Variants in MROH1 observed in about 807,000 individuals in gnomAD.
MROH1 encodes maestro heat like repeat family member 1, also known as maestro heat-like repeat-containing protein family member 1.
MROH1 carries 117 observed loss-of-function variants against 116.5 expected under a neutral mutation model. The ratio of observed to expected loss-of-function variants is 1.00; its 90% CI spans 0.86 to 1.17. The LOEUF is 1.17. Ranked by LOEUF, MROH1 falls within the 50% of genes most tolerant of loss-of-function variation. The pLI is 0.00. For synonymous variants in MROH1, 921 were observed against 583.9 expected, an observed-to-expected ratio of 1.58 and a Z score of -8.32; for missense variants, 1,873 against 1,338.5, an observed-to-expected ratio of 1.40 and a Z score of -6.23.
Position 144,202,796 on chromosome 8 carries a change from G to A in MROH1, c.1141+2255G>A, listed in dbSNP as rs555835770. ...CCGCTGTCTGTGGAGGGGCTGGGAG[G>A]GAAGCGCAGGCTCTCTGTGGAGGGG... On this transcript the variant is annotated intron_variant, in intron 12 of 43. Transcript: ENST00000326134. Among the ~76,000 whole-genome samples, 41 of 84,722 alleles carry A rather than the reference G, an allele frequency of 4.8e-4. 1 individual carries two copies. The highest frequency in any genetic ancestry group is 7.7e-3 in the Middle Eastern group (1 of 130). 55.6% of individuals were successfully genotyped at this position (84,722 alleles called of 152,430 possible).
At position 144,260,021 on chromosome 8, in the gene MROH1, C is replaced by T. The variant is rs1475212262; in HGVS notation, c.4155C>T (p.Arg1385=). 21 of 726,126 alleles carry T rather than the reference C, an allele frequency of 2.9e-5. No individual in the cohort carries two copies. Among genetic ancestry groups the T allele is most frequent in the Admixed American group, 5.7e-5 (3 of 52,288 alleles). The allele number at this position is 726,126 out of a possible 1,614,324, so 45.0% of individuals were successfully genotyped here. Residue 1385 remains arginine, a synonymous_variant, in exon 38 of 44, where the codon CGC becomes CGT. Coordinates refer to ENST00000326134, the MANE Select transcript of MROH1 (RefSeq NM_032450.3). ...TCASVRRLVL[R]GLANLASGCP... is the part of the protein sequence containing the mutation. ...CCAGCGTGCGGAGGCTGGTGCTCCG[C>T]GGCCTGGCCAACCTGGCCTCCGGCT...
chr8:144,211,381 G>A (rs1394900509), intron 12 of MROH1, among the ~76,000 whole-genome samples: 6 of 152,176 alleles, frequency 3.9e-5, no homozygotes, highest in African/African-American at 1.4e-4. Context: ...TTGACAAAGA[G>A]ATACTTGCCC....
chr8:144,185,908 G>C (rs1205435081), intron 7 of MROH1, among the ~76,000 whole-genome samples: 5 of 146,912 alleles, frequency 3.4e-5, no homozygotes, highest in Non-Finnish European at 7.5e-5. Flanking sequence ...GTGGCGGGGG[G>C]GCGGCGAGGG....
At chr8:144,206,634 G>A (rs1269990978) in intron 12 of MROH1, among the ~76,000 whole-genome samples, 2 of 151,342 alleles carry the variant, frequency 1.3e-5, no homozygotes, top group Non-Finnish European at 3.0e-5. Context: ...TGTTGGCCAG[G>A]CTGGTCTCGA....
rs1025128588 is a variant in MROH1 at position 144,261,680 on chromosome 8, G to C, written c.4866G>C (p.Pro1622=). The change falls in exon 44 of 44, where the codon CCG becomes CCC. Residue 1622 remains proline (P), a synonymous_variant. Transcript: ENST00000326134. ...CGCTCCAGATCCTGCTGAAGGACCC[G>C]GCCCCCGAGGTGCGGACGAGGGCTG... The part of the protein sequence containing the change: ...IAALQILLKD[P]APEVRTRAAE... The C allele has an allele frequency of 6.1e-5, 44 of 726,862 alleles. No individual in the cohort carries two copies. The Admixed American group carries it at 7.5e-4, about 12-fold the overall frequency. The allele number at this position is 726,862 out of a possible 1,614,324, so 45.0% of individuals were successfully genotyped here. A position where few individuals can be genotyped will look rare whatever the true frequency, so the allele number is the denominator to read the frequency against.
chr8:144,189,439 T>C (rs6558315), intron 7 of MROH1, among the ~76,000 whole-genome samples: 150,538 of 152,302 alleles, frequency 0.99, 74,416 homozygotes, highest in East Asian at 1. Context: ...ACTGACCACT[T>C]GCACATCACC....
intron 1 of MROH1, among the ~76,000 whole-genome samples, chr8:144,157,677 C>CTTTTTTTTTTTTT (rs1164415639): frequency 6.8e-5 from 8 of 117,936 alleles, no homozygotes; most frequent in East Asian, 2.2e-4. Flanking sequence ...TTCTTTCTTT[C>CTTTTTTTTTTTTT]TTTTTTTTTT....
chr8:144,239,294 C>G, intron 16 of MROH1, 29 bp from the exon 17 acceptor site: 2 of 780,222 alleles, frequency 2.6e-6, no homozygotes, highest in South Asian at 2.7e-5. Context: ...GGCAGCCCCC[C>G]ACTGACTATT....
At chr8:144,259,489 A>ACCT in intron 37 of MROH1, 135 bp downstream of exon 37, 1 of 684,336 alleles carries the variant, frequency 1.5e-6, no homozygotes, top group Non-Finnish European at 2.7e-6. Context: ...GATGCTAGCT[A>ACCT]CCTCCTCCCC....
intron 12 of MROH1, among the ~76,000 whole-genome samples, chr8:144,204,758 G>C (rs1268185930): frequency 6.6e-6 from 1 of 152,194 alleles, no homozygotes; most frequent in Non-Finnish European, 1.5e-5. Flanking sequence ...AAGGATTCCA[G>C]TGAATTATCT....
In MROH1 at chr8:144,168,385, C is replaced by G. The variant is rs34819224; in HGVS notation, c.113C>G (p.Ala38Gly). The change falls in exon 4 of 44, where the codon GCG becomes GGG. Residue 38 changes from alanine (A) to glycine (G), a missense_variant. Physicochemically the swap from Ala to Gly is moderately conservative, Grantham distance 60 (BLOSUM62 0). Coordinates refer to ENST00000326134, the MANE Select transcript of MROH1 (RefSeq NM_032450.3). ...VCSALCSLGE[A>G]RPVETLRACE... ...AGTGCCCTGTGCTCCCTCGGGGAGG[C>G]GCGGCCGGTGGAGACGCTCCGTGCC... 6.2e-7 allele frequency: 1 copy of G among 1,611,400 alleles called. No individual in the cohort carries two copies. The highest frequency in any genetic ancestry group is 1.3e-5 in the African/African-American group (1 of 74,786).
At chr8:144,161,583 CCTT>C (rs777963279) in intron 2 of MROH1, among the ~76,000 whole-genome samples, 7 of 152,182 alleles carry the variant, frequency 4.6e-5, no homozygotes, top group African/African-American at 7.2e-5. Context: ...GCCGCACAGT[CCTT>C]CATTTTCTGA....
At position 144,238,846 on chromosome 8, in the gene MROH1, G is replaced by C; in HGVS notation, c.1429G>C (p.Val477Leu). The C allele has an allele frequency of 1.3e-6, 1 of 774,472 alleles. No individual in the cohort carries two copies. Among genetic ancestry groups the C allele is most frequent in the Non-Finnish European group, 2.4e-6 (1 of 418,018 alleles). 48.0% of individuals were successfully genotyped at this position (774,472 alleles called of 1,614,324 possible). A position where few individuals can be genotyped will look rare whatever the true frequency, so the allele number is the denominator to read the frequency against. ...VRTLYLVSTT[V>L]DRMSHVLWPY... ...CACCCTCTACCTGGTCAGCACCACCGTGGACAGGATGAGTCACGTGAGTGC... is the reference window on the plus strand; with the variant it reads ...CACCCTCTACCTGGTCAGCACCACCCTGGACAGGATGAGTCACGTGAGTGC... Residue 477 changes from valine to leucine, a missense_variant, in exon 15 of 44, where the codon GTG (valine) becomes CTG (leucine). Physicochemically the swap from Val to Leu is conservative, Grantham distance 32 (BLOSUM62 1). Coordinates refer to ENST00000326134, the MANE Select transcript of MROH1 (RefSeq NM_032450.3).
intron 14 of MROH1, among the ~76,000 whole-genome samples, chr8:144,228,192 A>T (rs549479324): frequency 6.6e-6 from 1 of 152,180 alleles, no homozygotes; most frequent in Non-Finnish European, 1.5e-5. Context: ...CTGTGATCAC[A>T]CTATTATGCT....
rs1842362998 is a variant in MROH1, at chr8:144,248,880, A to G, written c.3124A>G (p.Ile1042Val). 2 of 778,822 alleles carry G rather than the reference A, an allele frequency of 2.6e-6. No homozygotes were observed. Among genetic ancestry groups the G allele is most frequent in the African/African-American group, 3.4e-5 (2 of 59,146 alleles). 48.2% of individuals were successfully genotyped at this position (778,822 alleles called of 1,614,324 possible). A position where few individuals can be genotyped will look rare whatever the true frequency, so the allele number is the denominator to read the frequency against. The part of the protein sequence containing the change: ...FHTCHSVGQI[I>V]AKRLPPDQLI... ...TCTGGCATCGCCTTCCTCCTAGATT[A>G]TTGCCAAGCGCCTCCCCCCAGACCA... Residue 1042 changes from isoleucine (I) to valine (V), a missense_variant, in exon 32 of 44, where the codon ATT becomes GTT. By Grantham distance (29) the Ile-to-Val change is conservative. Transcript: ENST00000326134.
intron 32 of MROH1, among the ~76,000 whole-genome samples, chr8:144,249,859 G>A (rs1588486598): frequency 6.6e-6 from 1 of 152,168 alleles, no homozygotes; most frequent in Admixed American, 6.5e-5. Flanking sequence ...TGCCAGGGGA[G>A]CCTGAGAGTT....
chr8:144,234,498 GTTTTTTTTTTTTTTTTTTT>G lies in MROH1; in HGVS notation c.1339-4240_1339-4222del, dbSNP rs1165164431. On this transcript the variant is annotated intron_variant, in intron 14 of 43. Coordinates refer to ENST00000326134, the MANE Select transcript of MROH1 (RefSeq NM_032450.3). The stretch of plus-strand genomic sequence containing the variant: ...AATGGAATTATTTTCTTTCTTTTTC[GTTTTTTTTTTTTTTTTTTT>G]TTTTTTTTTTTTTTTTTCAAAAAGA... 0.011 allele frequency among the ~76,000 whole-genome samples: 200 copies of G among 18,102 alleles called. 4 individuals are homozygous for G. The East Asian group carries it at 0.19, about 17-fold the overall frequency. The allele number at this position is 18,102 out of a possible 152,430, so 11.9% of individuals were successfully genotyped here.
chr8:144,209,953 ATGTG>A (rs1452431978), intron 12 of MROH1, among the ~76,000 whole-genome samples: 1 of 151,772 alleles, frequency 6.6e-6, no homozygotes, highest in Admixed American at 6.6e-5. Context: ...CATAAAACAA[ATGTG>A]TGACTTATTA....
At chr8:144,241,232 G>A (rs1170278806) in intron 21 of MROH1, 121 bp downstream of exon 21, 12 of 693,958 alleles carry the variant, frequency 1.7e-5, no homozygotes, top group Non-Finnish European at 2.4e-5. Context: ...GCATACACAG[G>A]TGGTGTGCGT....
Sources: allele counts gnomAD v4.1 joint callset (sites outside exome capture counted in the v4.1 genomes callset), GRCh38; gene constraint gnomAD v4.1.1; transcripts MANE v1.5; gene names NCBI Gene and HGNC (gene_info 2026-07-23, HGNC 2026-07-21).